The following SBF1 variants were observed in gnomAD, a reference collection of about 807,000 sequenced individuals.
The protein encoded by SBF1 is myotubularin-related protein 5.
Under a neutral mutation model 215.8 loss-of-function variants are expected in SBF1, and 65 were observed. That is an observed-to-expected ratio of 0.30 (90% CI 0.25 to 0.37). The LOEUF is 0.37. Ranked by LOEUF, SBF1 falls within the 10% of genes least tolerant of loss-of-function variation. The pLI is 1.00. For missense variants in SBF1, 2,634 were observed against 2,667.8 expected, an observed-to-expected ratio of 0.99 and a Z score of 0.28; for synonymous variants, 1,410 against 1,122.8, an observed-to-expected ratio of 1.26 and a Z score of -5.11.
chr22:50,452,723 CAAAAAAAAA>C (rs57951967), intron 36 of SBF1, among the ~76,000 whole-genome samples: 56 of 39,540 alleles, frequency 1.4e-3, no homozygotes, highest in African/African-American at 7.1e-3. Flanking sequence ...CTCCATCTCT[CAAAAAAAAA>C]AAAAAAAAAA....
chr22:50,450,499 A>T (rs1197183159), intron 36 of SBF1, among the ~76,000 whole-genome samples: 1 of 151,518 alleles, frequency 6.6e-6, no homozygotes, highest in Non-Finnish European at 1.5e-5. Flanking sequence ...CCAGCCTGGG[A>T]GACAAAGTGA....
In SBF1 at chr22:50,462,654, T is replaced by C. The variant is rs776108357; in HGVS notation, c.2032A>G (p.Thr678Ala). 6.6e-5 allele frequency: 107 copies of C among 1,612,616 alleles called. 1 individual carries two copies. The highest frequency in any genetic ancestry group is 8.8e-5 in the Non-Finnish European group (104 of 1,179,752). The change falls in exon 18 of 41, where the codon ACG (threonine) becomes GCG (alanine). Residue 678 changes from threonine to alanine, a missense_variant. Thr to Ala is a moderately conservative substitution (Grantham distance 58, BLOSUM62 0). Coordinates refer to ENST00000380817, the MANE Select transcript of SBF1 (RefSeq NM_002972.4). ...SCVQEHVVWS[T>A]PQFWEAMFYG... is the part of the protein sequence containing the mutation. ...AACATGGCCTCCCAGAACTGTGGCG[T>C]GCTCCACACCACGTGCTCCTGCACA...
intron 1 of SBF1, among the ~76,000 whole-genome samples, chr22:50,473,890 T>A (rs1357464887): frequency 2.6e-5 from 4 of 152,120 alleles, no homozygotes; most frequent in Admixed American, 6.5e-5. Flanking sequence ...CTAACTTCTC[T>A]ACAGATGGGG....
rs764224576 is a variant in SBF1 at position 50,467,603 on chromosome 22, G to C, written c.367C>G (p.Pro123Ala). The C allele has an allele frequency of 1.2e-6, 2 of 1,614,162 alleles. No homozygotes were observed. The highest frequency in any genetic ancestry group is 1.7e-6 in the Non-Finnish European group (2 of 1,180,004). Residue 123 changes from proline (P) to alanine (A), a missense_variant, in exon 4 of 41, where the codon CCA (proline) becomes GCA (alanine). Coordinates refer to ENST00000380817, the MANE Select transcript of SBF1 (RefSeq NM_002972.4). ...QTHLSPTAPA[P>A]SAQLFAPKTL... Reference sequence around the variant, plus strand: ...TTCGGTGCAAACAGCTGGGCAGATGGGGCAGGTGCTGTGGGAGACAGGTGG... The same window carrying C: ...TTCGGTGCAAACAGCTGGGCAGATGCGGCAGGTGCTGTGGGAGACAGGTGG...
At chr22:50,458,127 G>A (rs1475221348) in intron 28 of SBF1, among the ~76,000 whole-genome samples, 3 of 152,116 alleles carry the variant, frequency 2.0e-5, no homozygotes, top group Non-Finnish European at 4.4e-5. Flanking sequence ...GTAAAACCCT[G>A]TCTCTACTAA....
chr22:50,455,373 A>G lies in SBF1; in HGVS notation c.4405T>C (p.Tyr1469His), dbSNP rs375612402. 1 of 1,613,162 alleles carries G rather than the reference A, an allele frequency of 6.2e-7. No homozygotes were observed. The highest frequency in any genetic ancestry group is 1.3e-5 in the African/African-American group (1 of 74,914). ...SLVQLLSDPF[Y>H]RTLEGFRLLV... ...AGGCGAAAGCCCTCCAGCGTGCGGT[A>G]GAAGGGGTCTGAGAGCAGCTGCACC... is the stretch of plus-strand genomic sequence containing the variant. The change falls in exon 33 of 41, where the codon TAC becomes CAC. Residue 1469 changes from tyrosine to histidine, a missense_variant. By Grantham distance (83) the Tyr-to-His change is moderately conservative (BLOSUM62 2). Coordinates refer to ENST00000380817, the MANE Select transcript of SBF1 (RefSeq NM_002972.4).
intron 1 of SBF1, among the ~76,000 whole-genome samples, chr22:50,469,582 A>C (rs1292325622): frequency 1.3e-5 from 2 of 152,128 alleles, no homozygotes; most frequent in Non-Finnish European, 2.9e-5. Context: ...GTGCAGCAGG[A>C]AAGACGAAAG....
chr22:50,464,321 GC>G lies in SBF1; in HGVS notation c.1749+7del. 2 of 1,609,078 alleles carry G rather than the reference GC, an allele frequency of 1.2e-6. No individual in the cohort carries two copies. Among genetic ancestry groups the G allele is most frequent in the Non-Finnish European group, 1.7e-6 (2 of 1,176,186 alleles). ...CCCTGGCCCGGCTGGAGCCTGCACAGCCCTCACCTTCTTGGCCTCAAGCATT... is the reference window on the plus strand; with the variant it reads ...CCCTGGCCCGGCTGGAGCCTGCACAGCCTCACCTTCTTGGCCTCAAGCATT... On this transcript the variant is annotated splice_region_variant and intron_variant, in intron 15 of 40. Transcript: ENST00000380817.
chr22:50,474,672 CCAGCCCCCAGCCCT>C (rs1169158331), intron 1 of SBF1, 100 bp downstream of exon 1: 49 of 866,930 alleles, frequency 5.7e-5, no homozygotes, highest in Non-Finnish European at 7.2e-5. Flanking sequence ...GCCTCCCGAC[CCAGCCCCCAGCCCT>C]CGGCCCCCAG....
At position 50,468,466 on chromosome 22, in the gene SBF1, G is replaced by A. The variant is rs79658113; in HGVS notation, c.56-5C>T. Reference sequence around the variant, plus strand: ...GGCCCTGGCCTTCCCCACTCCCTGAGGACAAGAACAGGGGGTCAGAGCACC... The same window carrying A: ...GGCCCTGGCCTTCCCCACTCCCTGAAGACAAGAACAGGGGGTCAGAGCACC... On this transcript the variant is annotated splice_polypyrimidine_tract_variant and splice_region_variant and intron_variant, in intron 1 of 40. Transcript: ENST00000380817. 1.3e-3 allele frequency: 2,057 copies of A among 1,593,598 alleles called. 27 individuals carry two copies. The African/African-American group carries it at 0.025, about 19-fold the overall frequency.
At chr22:50,450,949 A>G (rs1177925021) in intron 36 of SBF1, among the ~76,000 whole-genome samples, 1 of 152,246 alleles carries the variant, frequency 6.6e-6, no homozygotes, top group Admixed American at 6.5e-5. Context: ...CTTTATATAT[A>G]TTTTTAAGTT....
chr22:50,458,963 C>G (rs920575573), intron 28 of SBF1, among the ~76,000 whole-genome samples: 1 of 152,242 alleles, frequency 6.6e-6, no homozygotes, highest in Non-Finnish European at 1.5e-5. Context: ...CGCGTAGAGG[C>G]AGCACCCGGA....
intron 36 of SBF1, among the ~76,000 whole-genome samples, chr22:50,453,703 T>G (rs910991548): frequency 6.6e-6 from 1 of 151,826 alleles, no homozygotes; most frequent in Admixed American, 6.5e-5. Context: ...AGGAGAATGG[T>G]GTGAACCCGG....
chr22:50,472,731 G>A (rs1351494835), intron 1 of SBF1, among the ~76,000 whole-genome samples: 7 of 152,092 alleles, frequency 4.6e-5, no homozygotes, highest in African/African-American at 1.7e-4. Context: ...ACACTCCTCT[G>A]CTTCTTCCCC....
intron 23 of SBF1, 103 bp from the exon 24 acceptor site, chr22:50,460,815 A>G (rs1317216540): frequency 7.7e-7 from 1 of 1,293,348 alleles, no homozygotes; most frequent in Non-Finnish European, 1.1e-6. Flanking sequence ...CATGACAGAG[A>G]GAGAAGCAGG....
At position 50,447,125 on chromosome 22, in the gene SBF1, G is replaced by T; in HGVS notation, c.*17C>A. 1.9e-6 allele frequency: 3 copies of T among 1,605,002 alleles called. No individual in the cohort carries two copies. Among genetic ancestry groups the T allele is most frequent in the Non-Finnish European group, 1.7e-6 (2 of 1,175,566 alleles). ...GGTAACGACCGGAAGCAGAGCAGCC[G>T]GGCAGGGCTGGGAGGCTCAGGCGTC... On this transcript the variant is annotated 3_prime_UTR_variant, in exon 41 of 41. Coordinates refer to ENST00000380817, the MANE Select transcript of SBF1 (RefSeq NM_002972.4).
At position 50,465,227 on chromosome 22, in the gene SBF1, G is replaced by C. The variant is rs766662317; in HGVS notation, c.1191C>G (p.Ile397Met). The part of the protein sequence containing the change: ...HVVRIHPEPV[I>M]RFHKAAFLGQ... Reference sequence around the variant, plus strand: ...CCAGGCACCCCACCTTATGGAAGCGGATGACAGGCTCCGGGTGGATGCGCA... The same window carrying C: ...CCAGGCACCCCACCTTATGGAAGCGCATGACAGGCTCCGGGTGGATGCGCA... The change falls in exon 11 of 41, where the codon ATC becomes ATG. Residue 397 changes from isoleucine to methionine, a missense_variant. Ile to Met is a conservative substitution (Grantham distance 10). Transcript: ENST00000380817. 1.2e-6 allele frequency: 2 copies of C among 1,612,654 alleles called. No individual in the cohort carries two copies. The highest frequency in any genetic ancestry group is 1.7e-6 in the Non-Finnish European group (2 of 1,179,486).
rs902789125 is a variant in SBF1 at position 50,456,917 on chromosome 22, C to T, written c.3904+117G>A. 2.9e-5 allele frequency: 26 copies of T among 904,416 alleles called. No individual in the cohort carries two copies. In the Admixed American group the frequency reaches 2.9e-4, roughly 10 times the overall value. The allele number at this position is 904,416 out of a possible 1,614,324, so 56.0% of individuals were successfully genotyped here. On this transcript the variant is annotated intron_variant, in intron 29 of 40. Coordinates refer to ENST00000380817, the MANE Select transcript of SBF1 (RefSeq NM_002972.4). ...GAGGTAAGGACTGGGGCTCGGGAGA[C>T]GGGTCGTTAGTGTCAGGTGTGGAGG...
chr22:50,466,106 C>G, intron 8 of SBF1, 32 bp from the exon 9 acceptor site: 1 of 1,613,314 alleles, frequency 6.2e-7, no homozygotes, highest in Non-Finnish European at 8.5e-7. Flanking sequence ...AGTCAGGGAC[C>G]TGCAGGCCTG....
Sources: allele counts gnomAD v4.1 joint callset (sites outside exome capture counted in the v4.1 genomes callset), GRCh38; gene constraint gnomAD v4.1.1; transcripts MANE v1.5; gene names NCBI Gene and HGNC (gene_info 2026-07-23, HGNC 2026-07-21).